Variants in OR6C74 observed in about 807,000 individuals in gnomAD.
OR6C74 encodes olfactory receptor family 6 subfamily C member 74.
For missense variants in OR6C74, 361 were observed against 362.9 expected, an observed-to-expected ratio of 0.99 and a Z score of 0.04; for synonymous variants, 142 against 134.2, an observed-to-expected ratio of 1.06 and a Z score of -0.40.
rs565879807 is a variant in OR6C74, at chr12:55,247,141, A to C, written c.-9-138A>C. ...CAACATTTTGAGTAAAAATCACATA[A>C]GTTAATTTTTATAGGCTGCTGTTAA... On this transcript the variant is annotated intron_variant, in intron 1 of 1. Transcript: ENST00000343399. 3.2e-5 allele frequency: 16 copies of C among 507,110 alleles called. No individual in the cohort carries two copies. The East Asian group carries it at 4.6e-4, about 15-fold the overall frequency. 31.4% of individuals were successfully genotyped at this position (507,110 alleles called of 1,614,324 possible).
rs1954292549 is a variant in OR6C74 at position 55,248,585 on chromosome 12, T to C, written c.*359T>C. On this transcript the variant is annotated 3_prime_UTR_variant, in exon 2 of 2. Coordinates refer to ENST00000343399, the MANE Select transcript of OR6C74 (RefSeq NM_001005490.2). ...AATTTGTCATATATTCTACATAGAGTTCAGTAGACTACCTAGGTTTGATCA... is the reference window on the plus strand; with the variant it reads ...AATTTGTCATATATTCTACATAGAGCTCAGTAGACTACCTAGGTTTGATCA... Among the ~76,000 whole-genome samples, 1 of 152,186 alleles carries C rather than the reference T, an allele frequency of 6.6e-6. No homozygotes were observed. The highest frequency in any genetic ancestry group is 1.5e-5 in the Non-Finnish European group (1 of 68,024).
rs901383426 is a variant in OR6C74 at position 55,248,655 on chromosome 12, T to G, written c.*429T>G. Reference sequence around the variant, plus strand: ...GTGGATACAAAAGTGAAATCTGCTTTCTTTCTTAGTGTTTAGTAGAATCTC... The same window carrying G: ...GTGGATACAAAAGTGAAATCTGCTTGCTTTCTTAGTGTTTAGTAGAATCTC... On this transcript the variant is annotated 3_prime_UTR_variant, in exon 2 of 2. Coordinates refer to ENST00000343399, the MANE Select transcript of OR6C74 (RefSeq NM_001005490.2). 2.0e-5 allele frequency among the ~76,000 whole-genome samples: 3 copies of G among 152,342 alleles called. No homozygotes were observed. The highest frequency in any genetic ancestry group is 1.9e-4 in the East Asian group (1 of 5,186).
chr12:55,248,088 A>G lies in OR6C74; in HGVS notation c.801A>G (p.Ser267=). ...YVKPSAKERV[S]LNKGIALLST... is the part of the protein sequence containing the mutation. ...AACCCTCAGCAAAAGAAAGAGTGTC[A>G]TTAAATAAAGGGATAGCTCTGCTCA... is the stretch of plus-strand genomic sequence containing the variant. Residue 267 remains serine (S), a synonymous_variant, in exon 2 of 2, where the codon TCA becomes TCG. Coordinates refer to ENST00000343399, the MANE Select transcript of OR6C74 (RefSeq NM_001005490.2). 1 of 1,614,118 alleles carries G rather than the reference A, an allele frequency of 6.2e-7. No individual in the cohort carries two copies. Among genetic ancestry groups the G allele is most frequent in the Non-Finnish European group, 8.5e-7 (1 of 1,179,964 alleles).
At position 55,251,522 on chromosome 12, in the gene OR6C74, A is replaced by G. The variant is rs972182121; in HGVS notation, c.*3296A>G. ...AAGTTAATATGTTCATCTATAAAAT[A>G]AGATTAAAATGTGGCATTTGATAGG... On this transcript the variant is annotated 3_prime_UTR_variant, in exon 2 of 2. Transcript: ENST00000343399. 6.6e-6 allele frequency among the ~76,000 whole-genome samples: 1 copy of G among 152,062 alleles called. No individual in the cohort carries two copies. The highest frequency in any genetic ancestry group is 6.6e-5 in the Admixed American group (1 of 15,252).
intron 1 of OR6C74, 158 bp from the exon 2 acceptor site, chr12:55,247,121 T>G: frequency 2.0e-6 from 1 of 494,842 alleles, no homozygotes; most frequent in Non-Finnish European, 3.5e-6. Context: ...TTTAGCAACA[T>G]TTTGAGTAAA....
rs1351553235 is a variant in OR6C74, at chr12:55,252,957, C to T, written c.*4731C>T. On this transcript the variant is annotated 3_prime_UTR_variant, in exon 2 of 2. Transcript: ENST00000343399. ...TTTTCTTCTCCACCTCCCCTTCCTT[C>T]TCCTTTCTCTTCTAACAACCCTTTA... 6.6e-6 allele frequency among the ~76,000 whole-genome samples: 1 copy of T among 151,930 alleles called. No homozygotes were observed. Among genetic ancestry groups the T allele is most frequent in the East Asian group, 1.9e-4 (1 of 5,178 alleles).
At position 55,250,714 on chromosome 12, in the gene OR6C74, T is replaced by C. The variant is rs1954306660; in HGVS notation, c.*2488T>C. Among the ~76,000 whole-genome samples the C allele has an allele frequency of 6.6e-6, 1 of 151,972 alleles. No homozygotes were observed. ...TTTCTAATATTCATTTTTCTGGAAG[T>C]GAAAAGGAAAAAAATAACCAACTGT... On this transcript the variant is annotated 3_prime_UTR_variant, in exon 2 of 2. Transcript: ENST00000343399.
rs1008041411 is a variant in OR6C74 at position 55,253,051 on chromosome 12, A to T, written c.*4825A>T. Among the ~76,000 whole-genome samples, 7 of 151,902 alleles carry T rather than the reference A, an allele frequency of 4.6e-5. No individual in the cohort carries two copies. Among genetic ancestry groups the T allele is most frequent in the African/African-American group, 1.7e-4 (7 of 41,392 alleles). ...CAAAACAATCCTTGGCCTGTGGGCT[A>T]TGGTTTGCTGGCCTGTGGAATAAAT... On this transcript the variant is annotated 3_prime_UTR_variant, in exon 2 of 2. Transcript: ENST00000343399.
chr12:55,251,884 T>A lies in OR6C74; in HGVS notation c.*3658T>A, dbSNP rs1283227632. Among the ~76,000 whole-genome samples the A allele has an allele frequency of 6.6e-6, 1 of 151,726 alleles. No individual in the cohort carries two copies. Among genetic ancestry groups the A allele is most frequent in the African/African-American group, 2.4e-5 (1 of 41,404 alleles). On this transcript the variant is annotated 3_prime_UTR_variant, in exon 2 of 2. Coordinates refer to ENST00000343399, the MANE Select transcript of OR6C74 (RefSeq NM_001005490.2). ...GACATGGAGCTTGAGAAAAAATTGC[T>A]TATAAGAAAAATAAATGCTACCTTC...
rs1229032377 is a variant in OR6C74 at position 55,248,023 on chromosome 12, GT to G, written c.737del (p.Val246GlyfsTer13). 1 of 1,614,010 alleles carries G rather than the reference GT, an allele frequency of 6.2e-7. No individual in the cohort carries two copies. The highest frequency in any genetic ancestry group is 8.5e-7 in the Non-Finnish European group (1 of 1,179,970). On this transcript the variant is annotated frameshift_variant, in exon 2 of 2. Transcript: ENST00000343399. LOFTEE classifies it high-confidence loss of function. ...TACATGTTCTTCCCACATGGTGGTCGTGTCCATTTCTTATGGCAGCTGCATC... is the reference window on the plus strand; with the variant it reads ...TACATGTTCTTCCCACATGGTGGTCGGTCCATTTCTTATGGCAGCTGCATC... ...FSTCSSHMVVVSISYGSCIFM... is the reference protein window; with the variant it reads ...FSTCSSHMVVXSISYGSCIFM...
At position 55,256,147 on chromosome 12, in the gene OR6C74, C is replaced by T. The variant is rs951622394; in HGVS notation, c.*7921C>T. Among the ~76,000 whole-genome samples, 4 of 151,980 alleles carry T rather than the reference C, an allele frequency of 2.6e-5. No individual in the cohort carries two copies. Among genetic ancestry groups the T allele is most frequent in the South Asian group, 2.1e-4 (1 of 4,816 alleles). On this transcript the variant is annotated 3_prime_UTR_variant, in exon 2 of 2. Coordinates refer to ENST00000343399, the MANE Select transcript of OR6C74 (RefSeq NM_001005490.2). ...TGTGCTTCCCCCTGCAGAGAGCCTA[C>T]GAACGGACATGCAGTCAGGGAGGTT...
In OR6C74 at chr12:55,252,010, A is replaced by G. The variant is rs1235924943; in HGVS notation, c.*3784A>G. 6.6e-6 allele frequency among the ~76,000 whole-genome samples: 1 copy of G among 151,748 alleles called. No homozygotes were observed. Among genetic ancestry groups the G allele is most frequent in the East Asian group, 1.9e-4 (1 of 5,172 alleles). On this transcript the variant is annotated 3_prime_UTR_variant, in exon 2 of 2. Coordinates refer to ENST00000343399, the MANE Select transcript of OR6C74 (RefSeq NM_001005490.2). ...TTTATCAAACATTCAATTAGTAAAT[A>G]TATGTATATTTTTCATGGTACATGC...
chr12:55,246,144 C>T (rs1202150355), intron 1 of OR6C74, among the ~76,000 whole-genome samples: 1 of 151,854 alleles, frequency 6.6e-6, no homozygotes, highest in African/African-American at 2.4e-5. Context: ...AGGTGATAAA[C>T]GTGAGGACCT....
At position 55,247,480 on chromosome 12, in the gene OR6C74, T is replaced by C; in HGVS notation, c.193T>C (p.Ser65Pro). 2 of 1,613,888 alleles carry C rather than the reference T, an allele frequency of 1.2e-6. No homozygotes were observed. Among genetic ancestry groups the C allele is most frequent in the Non-Finnish European group, 1.7e-6 (2 of 1,179,876 alleles). ...TPMYFFLRNFSFLEVSFTTVY... is the reference protein window; with the variant it reads ...TPMYFFLRNFPFLEVSFTTVY... The stretch of plus-strand genomic sequence containing the variant: ...CATGTATTTCTTCCTCCGAAATTTC[T>C]CATTTTTAGAAGTCTCATTCACAAC... Residue 65 changes from serine to proline, a missense_variant, in exon 2 of 2, where the codon TCA becomes CCA. Coordinates refer to ENST00000343399, the MANE Select transcript of OR6C74 (RefSeq NM_001005490.2).
At position 55,255,238 on chromosome 12, in the gene OR6C74, G is replaced by A. The variant is rs776087624; in HGVS notation, c.*7012G>A. 4.6e-5 allele frequency among the ~76,000 whole-genome samples: 7 copies of A among 152,060 alleles called. No individual in the cohort carries two copies. Among genetic ancestry groups the A allele is most frequent in the Non-Finnish European group, 1.0e-4 (7 of 67,970 alleles). ...TGATTGTGTCTGCTCTACCCATGGA[G>A]CCCCCTCTGCATTGCACCCCCTGGG... is the stretch of plus-strand genomic sequence containing the variant. On this transcript the variant is annotated 3_prime_UTR_variant, in exon 2 of 2. Transcript: ENST00000343399.
rs956222638 is a variant in OR6C74, at chr12:55,254,011, A to G, written c.*5785A>G. Among the ~76,000 whole-genome samples the G allele has an allele frequency of 2.0e-5, 3 of 152,064 alleles. No individual in the cohort carries two copies. The highest frequency in any genetic ancestry group is 7.2e-5 in the African/African-American group (3 of 41,410). On this transcript the variant is annotated 3_prime_UTR_variant, in exon 2 of 2. Transcript: ENST00000343399. ...CTTCATAATCTGTTGTTCACTACTA[A>G]AGTGCATCATGCAATATTGATAACT...
Position 55,248,302 on chromosome 12 carries a change from G to A in OR6C74, c.*76G>A. 1.1e-6 allele frequency: 1 copy of A among 877,386 alleles called. No individual in the cohort carries two copies. Among genetic ancestry groups the A allele is most frequent in the Non-Finnish European group, 1.7e-6 (1 of 580,574 alleles). The allele number at this position is 877,386 out of a possible 1,614,324, so 54.4% of individuals were successfully genotyped here. ...TGGAGTATGTGCAAAGTTTTTCAAT[G>A]TTTGTATTCAATAATATTACCTCTT... is the stretch of plus-strand genomic sequence containing the variant. On this transcript the variant is annotated 3_prime_UTR_variant, in exon 2 of 2. Coordinates refer to ENST00000343399, the MANE Select transcript of OR6C74 (RefSeq NM_001005490.2).
chr12:55,250,950 T>A lies in OR6C74; in HGVS notation c.*2724T>A, dbSNP rs181392222. 6.6e-6 allele frequency among the ~76,000 whole-genome samples: 1 copy of A among 152,152 alleles called. No individual in the cohort carries two copies. Among genetic ancestry groups the A allele is most frequent in the Admixed American group, 6.6e-5 (1 of 15,246 alleles). ...TATTACATAGCCTTCCTGCCTTTGA[T>A]CTCTAACTCATCCTCCACATTGCTA... On this transcript the variant is annotated 3_prime_UTR_variant, in exon 2 of 2. Coordinates refer to ENST00000343399, the MANE Select transcript of OR6C74 (RefSeq NM_001005490.2).
At position 55,254,063 on chromosome 12, in the gene OR6C74, AC is replaced by A. The variant is rs1392314387; in HGVS notation, c.*5839del. Among the ~76,000 whole-genome samples the A allele has an allele frequency of 2.6e-5, 4 of 152,210 alleles. No homozygotes were observed. The highest frequency in any genetic ancestry group is 2.1e-4 in the South Asian group (1 of 4,826). Reference sequence around the variant, plus strand: ...CTTCGGCCATACTGACCAATAAGTAACCACACTGAATATGCTCATATCAGTT... The same window carrying A: ...CTTCGGCCATACTGACCAATAAGTAACACACTGAATATGCTCATATCAGTT... On this transcript the variant is annotated 3_prime_UTR_variant, in exon 2 of 2. Transcript: ENST00000343399.
Sources: gnomAD v4.1 joint callset for allele counts (sites outside exome capture counted in the v4.1 genomes callset) on GRCh38, gnomAD v4.1.1 for gene constraint, MANE v1.5 for transcripts, NCBI Gene and HGNC (gene_info 2026-07-23, HGNC 2026-07-21) for gene names.